Variants in AP3B1 observed in about 807,000 individuals in gnomAD.
The protein encoded by AP3B1 is AP-3 complex subunit beta-1.
Under a neutral mutation model 132.5 loss-of-function variants are expected in AP3B1, and 61 were observed. The observed-to-expected ratio is 0.46, with a 90% confidence interval of 0.37 to 0.57. The LOEUF (loss-of-function observed/expected upper bound fraction) is 0.57, where lower values mean the gene tolerates loss of function less well. Among genes scored for constraint, AP3B1 ranks in the 20% least tolerant of loss-of-function variants. The pLI is 0.00. For missense variants in AP3B1, 1,120 were observed against 1,289.4 expected, an observed-to-expected ratio of 0.87 and a Z score of 2.01; for synonymous variants, 388 against 438.3, an observed-to-expected ratio of 0.89 and a Z score of 1.43.
In AP3B1 at chr5:78,103,616, G is replaced by T. The variant is rs145994102; in HGVS notation, c.2398-2591C>A. ...TATATTTTTTTAAATAGAGGATTAG[G>T]CTTTTAACAGCTGAGTGACTGTATT... On this transcript the variant is annotated intron_variant, in intron 20 of 26. Coordinates refer to ENST00000255194, the MANE Select transcript of AP3B1 (RefSeq NM_003664.5). 9.0e-4 allele frequency among the ~76,000 whole-genome samples: 137 copies of T among 152,082 alleles called. 1 individual carries two copies. Among genetic ancestry groups the T allele is most frequent in the African/African-American group, 3.2e-3 (131 of 41,478 alleles).
chr5:78,107,858 T>C (rs1414906364), intron 20 of AP3B1, among the ~76,000 whole-genome samples: 1 of 152,248 alleles, frequency 6.6e-6, no homozygotes, highest in East Asian at 1.9e-4. Context: ...TGTTGATCTT[T>C]TATGGAATTT....
At chr5:78,231,827 C>T (rs1391157313) in intron 3 of AP3B1, among the ~76,000 whole-genome samples, 1 of 152,144 alleles carries the variant, frequency 6.6e-6, no homozygotes, top group Non-Finnish European at 1.5e-5. Flanking sequence ...TCATTTTATC[C>T]TCACAACTCA....
chr5:78,013,981 G>C (rs938383328), intron 26 of AP3B1, among the ~76,000 whole-genome samples: 3 of 152,158 alleles, frequency 2.0e-5, no homozygotes, highest in Admixed American at 2.0e-4. Flanking sequence ...GGCTAACACA[G>C]TGAAACCCCG....
At chr5:78,081,273 C>T (rs1749988196) in intron 22 of AP3B1, among the ~76,000 whole-genome samples, 1 of 151,140 alleles carries the variant, frequency 6.6e-6, no homozygotes, top group Non-Finnish European at 1.5e-5. Context: ...AAATTCCTGC[C>T]GAGCCTATTT....
intron 1 of AP3B1, among the ~76,000 whole-genome samples, chr5:78,276,540 T>C (rs1479547209): frequency 6.6e-6 from 1 of 152,026 alleles, no homozygotes; most frequent in Non-Finnish European, 1.5e-5. Flanking sequence ...AAGACCAGCC[T>C]AGACAACATA....
At chr5:78,058,661 A>T (rs1256969741) in intron 22 of AP3B1, among the ~76,000 whole-genome samples, 2 of 152,190 alleles carry the variant, frequency 1.3e-5, no homozygotes, top group Admixed American at 1.3e-4. Context: ...AATTTCTCTT[A>T]ATTTCCTTAA....
At chr5:78,116,985 C>T (rs1751867814) in intron 17 of AP3B1, among the ~76,000 whole-genome samples, 1 of 152,022 alleles carries the variant, frequency 6.6e-6, no homozygotes, top group African/African-American at 2.4e-5. Context: ...CAGCCCAATA[C>T]AACCATCCTT....
chr5:78,235,570 T>C (rs192108814), intron 3 of AP3B1, among the ~76,000 whole-genome samples: 2 of 152,336 alleles, frequency 1.3e-5, no homozygotes, highest in African/African-American at 4.8e-5. Flanking sequence ...GCCTATGCAC[T>C]GACAGGCTGC....
At chr5:78,004,279 C>A (rs1258248037) in intron 26 of AP3B1, among the ~76,000 whole-genome samples, 1 of 152,214 alleles carries the variant, frequency 6.6e-6, no homozygotes, top group Non-Finnish European at 1.5e-5. Flanking sequence ...AGCAAACCAA[C>A]TGGTCAGTGT....
intron 17 of AP3B1, among the ~76,000 whole-genome samples, chr5:78,117,438 T>C (rs1751904234): frequency 6.6e-6 from 1 of 151,834 alleles, no homozygotes; most frequent in African/African-American, 2.4e-5. Flanking sequence ...TCCTCCCAAG[T>C]AGCTGGGATC....
rs367711173 is a variant in AP3B1 at position 78,133,543 on chromosome 5, C to A, written c.1651-4236G>T. On this transcript the variant is annotated intron_variant, in intron 15 of 26. Coordinates refer to ENST00000255194, the MANE Select transcript of AP3B1 (RefSeq NM_003664.5). ...AATCCTAAACTAGATGGCATGGAGA[C>A]AACAGGCATAAATTAGATCTGTCCA... 2.0e-5 allele frequency among the ~76,000 whole-genome samples: 3 copies of A among 152,122 alleles called. No individual in the cohort carries two copies. In the East Asian group the frequency reaches 5.8e-4, roughly 29 times the overall value.
rs544554944 is a variant in AP3B1 at position 78,057,898 on chromosome 5, C to T, written c.2578-18624G>A. Among the ~76,000 whole-genome samples the T allele has an allele frequency of 1.2e-4, 19 of 152,078 alleles. No homozygotes were observed. In the South Asian group the frequency reaches 2.5e-3, roughly 20 times the overall value. On this transcript the variant is annotated intron_variant, in intron 22 of 26. Coordinates refer to ENST00000255194, the MANE Select transcript of AP3B1 (RefSeq NM_003664.5). Reference sequence around the variant, plus strand: ...CTAACTTTATGTGTAATCTTGTATCCCATGTAACTAACAAAGTGCTAAGCC... The same window carrying T: ...CTAACTTTATGTGTAATCTTGTATCTCATGTAACTAACAAAGTGCTAAGCC...
chr5:78,063,862 CTTAA>C (rs1749164099), intron 22 of AP3B1, among the ~76,000 whole-genome samples: 2 of 151,830 alleles, frequency 1.3e-5, no homozygotes, highest in Non-Finnish European at 2.9e-5. Flanking sequence ...TAGTACTGAG[CTTAA>C]TTTTTTTTAA....
intron 22 of AP3B1, among the ~76,000 whole-genome samples, chr5:78,060,634 T>C (rs1749006354): frequency 6.6e-6 from 1 of 152,166 alleles, no homozygotes; most frequent in African/African-American, 2.4e-5. Flanking sequence ...TTTACATGAT[T>C]TCTGTTTCCA....
chr5:78,127,021 T>G (rs1209905070), intron 17 of AP3B1, among the ~76,000 whole-genome samples: 1 of 152,224 alleles, frequency 6.6e-6, no homozygotes, highest in African/African-American at 2.4e-5. Flanking sequence ...ATAGTGCTAT[T>G]ATTAATTCCG....
intron 11 of AP3B1, among the ~76,000 whole-genome samples, chr5:78,169,577 G>A (rs1165310190): frequency 1.3e-5 from 2 of 151,520 alleles, no homozygotes; most frequent in African/African-American, 4.9e-5. Flanking sequence ...TACAGACATC[G>A]GCCACCACGC....
At chr5:78,023,327 A>T (rs1362668851) in intron 24 of AP3B1, among the ~76,000 whole-genome samples, 1 of 152,208 alleles carries the variant, frequency 6.6e-6, no homozygotes, top group Non-Finnish European at 1.5e-5. Flanking sequence ...TTATAGTCCT[A>T]GCTACTTGGG....
At chr5:78,149,702 T>C (rs1753563548) in intron 14 of AP3B1, among the ~76,000 whole-genome samples, 1 of 152,198 alleles carries the variant, frequency 6.6e-6, no homozygotes, top group African/African-American at 2.4e-5. Context: ...GTCAAGTAAC[T>C]TGCTTAAGTT....
chr5:78,142,564 C>T (rs1397000476), intron 14 of AP3B1, among the ~76,000 whole-genome samples: 1 of 152,070 alleles, frequency 6.6e-6, no homozygotes, highest in Non-Finnish European at 1.5e-5. Context: ...CTTTCCATAG[C>T]TAAAATTTTA....
Sources: gnomAD v4.1 joint callset for allele counts (sites outside exome capture counted in the v4.1 genomes callset) on GRCh38, gnomAD v4.1.1 for gene constraint, MANE v1.5 for transcripts, NCBI Gene and HGNC (gene_info 2026-07-23, HGNC 2026-07-21) for gene names.